Variants in ZNF385C observed in about 807,000 individuals in gnomAD.
ZNF385C encodes the protein CTD-2132N18.2.
ZNF385C carries 28 observed loss-of-function variants against 35.4 expected under a neutral mutation model. The ratio of observed to expected loss-of-function variants is 0.79; its 90% CI spans 0.59 to 1.08. The LOEUF (loss-of-function observed/expected upper bound fraction) is 1.08. ZNF385C is among the 50% of genes least tolerant of loss of function. The pLI, the probability that ZNF385C is intolerant of heterozygous loss-of-function variation, is 0.00. For missense variants in ZNF385C, 605 were observed against 595.6 expected, an observed-to-expected ratio of 1.02 and a Z score of -0.16; for synonymous variants, 248 against 248.2, an observed-to-expected ratio of 1.00 and a Z score of 0.01.
intron 1 of ZNF385C, among the ~76,000 whole-genome samples, chr17:42,069,744 T>G (rs2053597453): frequency 6.6e-6 from 1 of 152,270 alleles, no homozygotes; most frequent in Non-Finnish European, 1.5e-5. Flanking sequence ...TTTGGTTTCC[T>G]GTCTTTAAAG....
chr17:42,045,878 C>A (rs1007759961), intron 2 of ZNF385C, among the ~76,000 whole-genome samples: 2 of 152,218 alleles, frequency 1.3e-5, no homozygotes, highest in African/African-American at 2.4e-5. Context: ...CAAGGCCCTC[C>A]CCAGCCTCTG....
chr17:42,079,649 G>T (rs2053727530), intron 1 of ZNF385C, among the ~76,000 whole-genome samples: 2 of 151,928 alleles, frequency 1.3e-5, no homozygotes, highest in African/African-American at 4.8e-5. Flanking sequence ...CTGGGTGAAA[G>T]AGCAAGACTG....
intron 7 of ZNF385C, 132 bp downstream of exon 7, chr17:42,027,918 G>C: frequency 7.7e-7 from 1 of 1,294,042 alleles, no homozygotes; most frequent in Non-Finnish European, 1.1e-6. Context: ...TGGCCCACTG[G>C]CCTGCTGGCC....
intron 1 of ZNF385C, among the ~76,000 whole-genome samples, chr17:42,092,446 T>C (rs1555660628): frequency 6.6e-6 from 1 of 151,404 alleles, no homozygotes; most frequent in Non-Finnish European, 1.5e-5. Flanking sequence ...GCTCATAGGA[T>C]GGGATGAGGC....
chr17:42,084,775 T>C (rs1246670693), intron 1 of ZNF385C, among the ~76,000 whole-genome samples: 3 of 151,890 alleles, frequency 2.0e-5, no homozygotes, highest in African/African-American at 7.3e-5. Flanking sequence ...CATGCCCAGC[T>C]AATTTAAAAA....
intron 1 of ZNF385C, among the ~76,000 whole-genome samples, chr17:42,075,161 T>C (rs2053670694): frequency 6.6e-6 from 1 of 152,176 alleles, no homozygotes; most frequent in South Asian, 2.1e-4. Context: ...CCCATTTGCC[T>C]CAGCTATTCT....
At chr17:42,041,466 T>C (rs1324618422) in intron 2 of ZNF385C, among the ~76,000 whole-genome samples, 1 of 152,202 alleles carries the variant, frequency 6.6e-6, no homozygotes, top group African/African-American at 2.4e-5. Context: ...TCTCAGCTCT[T>C]ATACCTGCTG....
chr17:42,028,320 A>C (rs1355301464), intron 6 of ZNF385C, 74 bp from the exon 7 acceptor site: 4 of 1,436,012 alleles, frequency 2.8e-6, no homozygotes, highest in Non-Finnish European at 3.7e-6. Context: ...CTCCACACTC[A>C]TGCAATTTGG....
intron 5 of ZNF385C, among the ~76,000 whole-genome samples, chr17:42,030,707 G>T (rs184278932): frequency 7.4e-4 from 112 of 152,204 alleles, no homozygotes; most frequent in African/African-American, 2.3e-3. Flanking sequence ...TTGGAAACAG[G>T]GTCTTTGAAG....
intron 1 of ZNF385C, among the ~76,000 whole-genome samples, chr17:42,078,287 G>T (rs1050258818): frequency 6.6e-6 from 1 of 151,996 alleles, no homozygotes; most frequent in African/African-American, 2.4e-5. Context: ...CTAACCAGTC[G>T]CACTTTTTAG....
At chr17:42,052,473 G>A (rs2053301929) in intron 2 of ZNF385C, among the ~76,000 whole-genome samples, 3 of 152,138 alleles carry the variant, frequency 2.0e-5, no homozygotes, top group South Asian at 4.2e-4. Context: ...ATCTACACAC[G>A]AGATGTGTAT....
Position 42,026,985 on chromosome 17 carries a change from G to C in ZNF385C, c.1424C>G (p.Pro475Arg). Residue 475 changes from proline to arginine, a missense_variant, in exon 9 of 9, where the codon CCG becomes CGG. Coordinates refer to ENST00000692273, the MANE Select transcript of ZNF385C (RefSeq NM_001392013.1). The part of the protein sequence containing the change: ...PAPTAATTLF[P>R]APILGPALFR... ...CAGAGCTGGGCCCAGGATGGGAGCC[G>C]GGAAGAGGGTAGTGGCTGCTGTAGG... 2 of 1,611,216 alleles carry C rather than the reference G, an allele frequency of 1.2e-6. No individual in the cohort carries two copies. The highest frequency in any genetic ancestry group is 1.3e-5 in the African/African-American group (1 of 74,978).
At chr17:42,075,752 T>C (rs1459711422) in intron 1 of ZNF385C, among the ~76,000 whole-genome samples, 1 of 152,042 alleles carries the variant, frequency 6.6e-6, no homozygotes, top group African/African-American at 2.4e-5. Flanking sequence ...CCTTGGCCTC[T>C]CAAAGTGCTG....
intron 1 of ZNF385C, among the ~76,000 whole-genome samples, chr17:42,072,215 T>C (rs1165258253): frequency 2.0e-5 from 3 of 151,866 alleles, no homozygotes; most frequent in Admixed American, 6.6e-5. Context: ...GAAAAGACGG[T>C]GGGTTATCTG....
At chr17:42,036,186 G>A (rs978038287) in intron 3 of ZNF385C, among the ~76,000 whole-genome samples, 1 of 151,674 alleles carries the variant, frequency 6.6e-6, no homozygotes, top group African/African-American at 2.4e-5. Flanking sequence ...GTAGAGATGG[G>A]GTTTCACCAT....
chr17:42,027,578 T>A, intron 8 of ZNF385C, 40 bp downstream of exon 8: 25 of 176,314 alleles, frequency 1.4e-4, no homozygotes, highest in Non-Finnish European at 2.7e-4. Context: ...CCCTCTCCCC[T>A]CCTGACCCAG....
chr17:42,043,168 T>C lies in ZNF385C; in HGVS notation c.251-5283A>G, dbSNP rs1422774323. On this transcript the variant is annotated intron_variant, in intron 2 of 8. Coordinates refer to ENST00000692273, the MANE Select transcript of ZNF385C (RefSeq NM_001392013.1). ...GCGCAGCAGGGCGTGGCGCTGGAAG[T>C]TGTCTGTGCCCACAGTGAAGGCGTT... 16 of 1,232,070 alleles carry C rather than the reference T, an allele frequency of 1.3e-5. No homozygotes were observed. The African/African-American group carries it at 2.2e-4, about 17-fold the overall frequency. The allele number at this position is 1,232,070 out of a possible 1,614,324, so 76.3% of individuals were successfully genotyped here.
chr17:42,068,508 A>G (rs1233379386), intron 1 of ZNF385C, among the ~76,000 whole-genome samples: 1 of 152,174 alleles, frequency 6.6e-6, no homozygotes, highest in East Asian at 1.9e-4. Context: ...TTTGACAAAA[A>G]GGGTCTTTTT....
rs567503964 is a variant in ZNF385C, at chr17:42,051,852, C to T, written c.250+10955G>A. On this transcript the variant is annotated intron_variant, in intron 2 of 8. Coordinates refer to ENST00000692273, the MANE Select transcript of ZNF385C (RefSeq NM_001392013.1). ...TGCAGCACTGCTCTGTGCCACCCAC[C>T]GTCTGCCTCTGACATTCACTGTGAA... Among the ~76,000 whole-genome samples, 21 of 152,244 alleles carry T rather than the reference C, an allele frequency of 1.4e-4. 1 individual carries two copies. The highest frequency in any genetic ancestry group is 3.4e-3 in the Middle Eastern group (1 of 294).
Sources: allele counts gnomAD v4.1 joint callset (sites outside exome capture counted in the v4.1 genomes callset), GRCh38; gene constraint gnomAD v4.1.1; transcripts MANE v1.5; gene names NCBI Gene and HGNC (gene_info 2026-07-23, HGNC 2026-07-21).